MYO1B: variants seen among roughly 807,000 people sequenced by gnomAD.
MYO1B encodes unconventional myosin-Ib.
Under a neutral mutation model 159.7 loss-of-function variants are expected in MYO1B, and 72 were observed. The ratio of observed to expected loss-of-function variants is 0.45; its 90% CI spans 0.37 to 0.55. The LOEUF is 0.55. Ranked by LOEUF, MYO1B falls within the 20% of genes least tolerant of loss-of-function variation. The pLI is 0.00. For missense variants in MYO1B, 1,062 were observed against 1,364.8 expected (o/e 0.78, Z 3.50); for synonymous variants, 468 against 473.8 (o/e 0.99, Z 0.16).
At chr2:191,395,450 C>T (rs193047832) in intron 20 of MYO1B, among the ~76,000 whole-genome samples, 17 of 152,346 alleles carry the variant, frequency 1.1e-4, no homozygotes, top group Admixed American at 9.1e-4. Context: ...GCATCTCTCC[C>T]GCCTCAGAGA....
At chr2:191,390,672 T>C (rs1695691871) in intron 18 of MYO1B, among the ~76,000 whole-genome samples, 180 bp downstream of exon 18, 1 of 152,222 alleles carries the variant, frequency 6.6e-6, no homozygotes, top group Admixed American at 6.5e-5. Flanking sequence ...ACTTACCAAA[T>C]CCACATTTGG....
intron 3 of MYO1B, among the ~76,000 whole-genome samples, chr2:191,327,312 A>G (rs1240411414): frequency 6.6e-6 from 1 of 152,228 alleles, no homozygotes; most frequent in African/African-American, 2.4e-5. Flanking sequence ...TTAATTAGAA[A>G]GGCTCTGCCC....
chr2:191,265,358 T>G (rs1188382880), intron 1 of MYO1B, among the ~76,000 whole-genome samples: 1 of 152,150 alleles, frequency 6.6e-6, no homozygotes, highest in African/African-American at 2.4e-5. Flanking sequence ...TTAATTATAA[T>G]GAAGGTGTAC....
intron 3 of MYO1B, among the ~76,000 whole-genome samples, chr2:191,317,778 A>G (rs1358125996): frequency 6.6e-6 from 1 of 152,242 alleles, no homozygotes; most frequent in Non-Finnish European, 1.5e-5. Context: ...TATAAAATAG[A>G]GCCTCACTCC....
chr2:191,378,616 C>A lies in MYO1B; in HGVS notation c.1186-2846C>A, dbSNP rs536230913. Among the ~76,000 whole-genome samples, 3 of 152,266 alleles carry A rather than the reference C, an allele frequency of 2.0e-5. No individual in the cohort carries two copies. In the South Asian group the frequency reaches 6.2e-4, roughly 32 times the overall value. ...TTCAGGCCATCTGGATATATACGTG[C>A]TGGTCACTGGGGATACGATGGCTTA... On this transcript the variant is annotated intron_variant, in intron 13 of 30. Transcript: ENST00000392318.
intron 13 of MYO1B, among the ~76,000 whole-genome samples, chr2:191,380,499 G>C (rs1177223528): frequency 6.6e-6 from 1 of 152,176 alleles, no homozygotes; most frequent in Non-Finnish European, 1.5e-5. Flanking sequence ...AAGAAAAATA[G>C]AGGTGAAAAC....
chr2:191,334,130 T>A (rs980940934), intron 4 of MYO1B, among the ~76,000 whole-genome samples: 2 of 149,598 alleles, frequency 1.3e-5, no homozygotes, highest in East Asian at 2.0e-4. Context: ...TTTTTTTTTT[T>A]AGGATATTCT....
At chr2:191,326,416 T>C (rs913892563) in intron 3 of MYO1B, among the ~76,000 whole-genome samples, 3 of 152,028 alleles carry the variant, frequency 2.0e-5, no homozygotes, top group Non-Finnish European at 1.5e-5. Flanking sequence ...AAATTGAAGA[T>C]CTGTGTTTAT....
intron 30 of MYO1B, among the ~76,000 whole-genome samples, chr2:191,423,276 A>T (rs1407617131): frequency 6.6e-6 from 1 of 152,232 alleles, no homozygotes; most frequent in Non-Finnish European, 1.5e-5. Context: ...TGTACTGCAT[A>T]CTGTAGGCAA....
intron 20 of MYO1B, among the ~76,000 whole-genome samples, chr2:191,393,600 C>T (rs1203623217): frequency 6.6e-6 from 1 of 152,152 alleles, no homozygotes; most frequent in Non-Finnish European, 1.5e-5. Flanking sequence ...GCTAGTTTTT[C>T]AAAGTAATTG....
rs370401284 is a variant in MYO1B at position 191,393,170 on chromosome 2, T to A, written c.2174T>A (p.Leu725Gln). The change falls in exon 20 of 31, where the codon CTG becomes CAG. Residue 725 changes from leucine to glutamine, a missense_variant. Physicochemically the swap from Leu to Gln is moderately radical, Grantham distance 113. Coordinates refer to ENST00000392318, the MANE Select transcript of MYO1B (RefSeq NM_001130158.3). ...YRGWKCRTHF[L>Q]LMKKSQIVIA... ...GGGTGGAAATGCCGCACACACTTCC[T>A]GCTAATGAAAAAAAGCCAAATTGTG... 6.2e-7 allele frequency: 1 copy of A among 1,614,028 alleles called. No homozygotes were observed. Among genetic ancestry groups the A allele is most frequent in the African/African-American group, 1.3e-5 (1 of 74,934 alleles).
chr2:191,403,682 A>G (rs1443848598), intron 24 of MYO1B, among the ~76,000 whole-genome samples: 1 of 152,214 alleles, frequency 6.6e-6, no homozygotes, highest in East Asian at 1.9e-4. Context: ...ATTTCAGCCT[A>G]TAAACTTTAG....
intron 3 of MYO1B, among the ~76,000 whole-genome samples, chr2:191,325,785 C>G (rs1156450174): frequency 1.3e-5 from 2 of 152,052 alleles, no homozygotes; most frequent in African/African-American, 4.8e-5. Context: ...GGGAGAGGAA[C>G]AAAAATACCA....
At chr2:191,344,811 C>G in intron 5 of MYO1B, among the ~76,000 whole-genome samples, 1 of 111,178 alleles carries the variant, frequency 9.0e-6, no homozygotes, top group Non-Finnish European at 1.6e-5. Context: ...GCCTGGGCGA[C>G]AGAGCGAGAC....
intron 7 of MYO1B, among the ~76,000 whole-genome samples, chr2:191,355,511 T>G (rs72916599): frequency 0.021 from 3,233 of 152,256 alleles, 52 homozygotes; most frequent in Middle Eastern, 0.041. Context: ...TTGAGGAAAG[T>G]GGCTTTTGGT....
intron 1 of MYO1B, among the ~76,000 whole-genome samples, chr2:191,272,218 A>C: frequency 6.6e-6 from 1 of 152,256 alleles, no homozygotes; most frequent in East Asian, 1.9e-4. Flanking sequence ...AGAGCTGAAA[A>C]GAACTGGCAC....
chr2:191,258,210 TC>T (rs1321377968), intron 1 of MYO1B, among the ~76,000 whole-genome samples: 2 of 152,182 alleles, frequency 1.3e-5, no homozygotes, highest in African/African-American at 4.8e-5. Flanking sequence ...AGCCAATTGC[TC>T]CTAGTCTACA....
chr2:191,414,279 A>G (rs1359812245), intron 28 of MYO1B, 99 bp downstream of exon 28: 21 of 1,424,586 alleles, frequency 1.5e-5, no homozygotes, highest in Non-Finnish European at 1.8e-5. Context: ...TGTTCTCAGT[A>G]GAGTTAACTA....
intron 6 of MYO1B, among the ~76,000 whole-genome samples, chr2:191,348,067 G>T (rs1181975087): frequency 6.6e-6 from 1 of 152,170 alleles, no homozygotes; most frequent in Non-Finnish European, 1.5e-5. Context: ...TGAGCTACGA[G>T]TTATTTCTGA....
Sources: gnomAD v4.1 joint callset for allele counts (sites outside exome capture counted in the v4.1 genomes callset) on GRCh38, gnomAD v4.1.1 for gene constraint, MANE v1.5 for transcripts, NCBI Gene and HGNC (gene_info 2026-07-23, HGNC 2026-07-21) for gene names.